The following PLSCR1 variants were observed in gnomAD, a reference collection of about 807,000 sequenced individuals.
PLSCR1 encodes the protein PL scramblase 1.
PLSCR1 carries 17 observed loss-of-function variants against 37.8 expected under a neutral mutation model. The ratio of observed to expected loss-of-function variants is 0.45; its 90% CI spans 0.31 to 0.68. The LOEUF (loss-of-function observed/expected upper bound fraction) is 0.68. Among genes scored for constraint, PLSCR1 ranks in the 30% least tolerant of loss-of-function variants. The probability of loss-of-function intolerance (pLI) is 0.06; values close to 1 mark genes in which losing one functional copy is unlikely to be tolerated. For missense variants in PLSCR1, 347 were observed against 380.9 expected (o/e 0.91, Z 0.74); for synonymous variants, 116 against 125.9 (o/e 0.92, Z 0.53).
intron 7 of PLSCR1, 89 bp downstream of exon 7, chr3:146,521,455 A>G (rs2044018365): frequency 8.1e-6 from 9 of 1,106,904 alleles, no homozygotes; most frequent in Non-Finnish European, 1.2e-5. Flanking sequence ...GGCACACAAC[A>G]CTTATTTAAT....
chr3:146,523,238 G>A (rs570518935), intron 5 of PLSCR1, among the ~76,000 whole-genome samples: 2 of 152,296 alleles, frequency 1.3e-5, no homozygotes, highest in Admixed American at 1.3e-4. Context: ...TTCATTATGT[G>A]AGACACTGGA....
At chr3:146,523,154 G>T (rs751821186) in intron 5 of PLSCR1, among the ~76,000 whole-genome samples, 19 of 152,196 alleles carry the variant, frequency 1.2e-4, no homozygotes, top group Non-Finnish European at 2.4e-4. Context: ...CTTTGTCTCT[G>T]TGTCTTTTCT....
chr3:146,542,642 G>A (rs1443499417), intron 1 of PLSCR1, among the ~76,000 whole-genome samples: 15 of 152,110 alleles, frequency 9.9e-5, no homozygotes, highest in Admixed American at 9.8e-4. Context: ...CTTCTTAAAA[G>A]AACATATGGA....
intron 5 of PLSCR1, among the ~76,000 whole-genome samples, chr3:146,522,722 G>C (rs1013558766): frequency 2.0e-5 from 3 of 152,124 alleles, no homozygotes; most frequent in African/African-American, 7.2e-5. Context: ...AGGAAGGAAC[G>C]CGTCTTTGCA....
chr3:146,544,222 C>T (rs2044374896), intron 1 of PLSCR1, among the ~76,000 whole-genome samples: 1 of 152,204 alleles, frequency 6.6e-6, no homozygotes, highest in South Asian at 2.1e-4. Flanking sequence ...GCTGGGCCGC[C>T]TGGGGCCCCT....
chr3:146,519,301 A>G (rs893332912), intron 7 of PLSCR1, among the ~76,000 whole-genome samples: 2 of 152,136 alleles, frequency 1.3e-5, no homozygotes, highest in African/African-American at 4.8e-5. Flanking sequence ...TTGAGAGGGC[A>G]GGAAAAAAAA....
intron 5 of PLSCR1, among the ~76,000 whole-genome samples, chr3:146,522,472 TA>T (rs926847700): frequency 1.3e-5 from 2 of 152,182 alleles, no homozygotes; most frequent in African/African-American, 2.4e-5. Context: ...TGTGCTTTGT[TA>T]AACAAATGCT....
At chr3:146,525,986 A>G (rs1173153968) in intron 4 of PLSCR1, among the ~76,000 whole-genome samples, 6 of 151,752 alleles carry the variant, frequency 4.0e-5, no homozygotes, top group African/African-American at 1.2e-4. Context: ...GATCGAGACC[A>G]TCCTGGCTGA....
chr3:146,517,413 G>A, intron 7 of PLSCR1: 1 of 197,258 alleles, frequency 5.1e-6, no homozygotes, highest in African/African-American at 2.3e-5. Flanking sequence ...TATTAATATA[G>A]ACATTAATAA....
At position 146,532,338 on chromosome 3, in the gene PLSCR1, G is replaced by A. The variant is rs140453663; in HGVS notation, c.94+1132C>T. ...TTTAGAGCAGATGTTCTCAACCCTGGCTTCACCTTAGAATCACTTGGGGTG... is the reference window on the plus strand; with the variant it reads ...TTTAGAGCAGATGTTCTCAACCCTGACTTCACCTTAGAATCACTTGGGGTG... On this transcript the variant is annotated intron_variant, in intron 3 of 8. Coordinates refer to ENST00000342435, the MANE Select transcript of PLSCR1 (RefSeq NM_021105.3). 5.3e-3 allele frequency among the ~76,000 whole-genome samples: 808 copies of A among 152,246 alleles called. 10 individuals carry two copies. Among genetic ancestry groups the A allele is most frequent in the African/African-American group, 0.018 (764 of 41,558 alleles).
chr3:146,517,126 G>C lies in PLSCR1; in HGVS notation c.780C>G (p.Ser260=), dbSNP rs1026325628. ...CTCTCAAAATTCCAGTCCAGTGCTT[G>C]GAAATTTTGCCAACCACACACTGTT... ...LDEQCVVGKI[S]KHWTGILREA... is the part of the protein sequence containing the mutation. The change falls in exon 8 of 9, where the codon TCC becomes TCG. Residue 260 remains serine (S), a synonymous_variant. Coordinates refer to ENST00000342435, the MANE Select transcript of PLSCR1 (RefSeq NM_021105.3). 1 of 1,591,288 alleles carries C rather than the reference G, an allele frequency of 6.3e-7. No homozygotes were observed. The highest frequency in any genetic ancestry group is 1.4e-5 in the African/African-American group (1 of 73,314).
chr3:146,542,841 T>C (rs1055539993), intron 1 of PLSCR1, among the ~76,000 whole-genome samples: 14 of 152,126 alleles, frequency 9.2e-5, no homozygotes, highest in African/African-American at 2.9e-4. Context: ...ATTGAAGGCA[T>C]AGAGCATGCA....
Position 146,533,511 on chromosome 3 carries a change from G to A in PLSCR1, c.53C>T (p.Pro18Leu). 6.2e-7 allele frequency: 1 copy of A among 1,608,068 alleles called. No individual in the cohort carries two copies. Among genetic ancestry groups the A allele is most frequent in the African/African-American group, 1.3e-5 (1 of 74,924 alleles). ...TGGATACTGAGGAGGATACCCAACTGGCAAGTTTGTTTCCGGGTGAGAAGC... is the reference window on the plus strand; with the variant it reads ...TGGATACTGAGGAGGATACCCAACTAGCAAGTTTGTTTCCGGGTGAGAAGC... Reference protein sequence around the residue: ...MNASHPETNLPVGYPPQYPPT... With the variant: ...MNASHPETNLLVGYPPQYPPT... Residue 18 changes from proline to leucine, a missense_variant, in exon 3 of 9, where the codon CCA becomes CTA. Pro to Leu is a moderately conservative substitution (Grantham distance 98). Transcript: ENST00000342435.
chr3:146,543,425 T>C (rs756199765), intron 1 of PLSCR1, among the ~76,000 whole-genome samples: 3 of 152,228 alleles, frequency 2.0e-5, no homozygotes, highest in Non-Finnish European at 2.9e-5. Context: ...CCTACTATTG[T>C]TGTAAACAGG....
At chr3:146,521,236 G>A (rs2044014941) in intron 7 of PLSCR1, among the ~76,000 whole-genome samples, 1 of 152,270 alleles carries the variant, frequency 6.6e-6, no homozygotes, top group South Asian at 2.1e-4. Flanking sequence ...CAAGGTTAAC[G>A]TTCTGTTTAA....
intron 1 of PLSCR1, among the ~76,000 whole-genome samples, chr3:146,537,807 G>T (rs2738921): frequency 6.6e-6 from 1 of 151,870 alleles, no homozygotes; most frequent in Non-Finnish European, 1.5e-5. Context: ...AATATTGACG[G>T]TCTAATGAAG....
chr3:146,537,174 A>T lies in PLSCR1; in HGVS notation c.-13-609T>A, dbSNP rs1235799750. Reference sequence around the variant, plus strand: ...TCTCAGGAGTTGTCACAGCCATAGCACCTTGACCACCCAAGTGAAACTTTG... The same window carrying T: ...TCTCAGGAGTTGTCACAGCCATAGCTCCTTGACCACCCAAGTGAAACTTTG... On this transcript the variant is annotated intron_variant, in intron 1 of 8. Transcript: ENST00000342435. 3.3e-5 allele frequency among the ~76,000 whole-genome samples: 5 copies of T among 151,524 alleles called. No homozygotes were observed. The East Asian group carries it at 9.7e-4, about 29-fold the overall frequency.
chr3:146,528,797 C>G lies in PLSCR1; in HGVS notation c.129G>C (p.Gln43His). ...PPGYSGYPGP[Q>H]VSYPPPPAGH... ...CGGCTGGTGGGGGTGGGTAGCTGAC[C>G]TGGGGCCCAGGGTAGCCACTATATC... The change falls in exon 4 of 9, where the codon CAG (glutamine) becomes CAC (histidine). Residue 43 changes from glutamine to histidine, a missense_variant. Gln to His is a conservative substitution (Grantham distance 24). Transcript: ENST00000342435. The G allele has an allele frequency of 1.2e-6, 2 of 1,613,820 alleles. No homozygotes were observed. The highest frequency in any genetic ancestry group is 1.7e-4 in the Middle Eastern group (1 of 6,060).
intron 1 of PLSCR1, among the ~76,000 whole-genome samples, chr3:146,540,169 TAA>T (rs2044320693): frequency 6.6e-6 from 1 of 152,230 alleles, no homozygotes; most frequent in Non-Finnish European, 1.5e-5. Context: ...AAAAATGTAA[TAA>T]AGTTATGTTG....
Sources: gnomAD v4.1 joint callset for allele counts (sites outside exome capture counted in the v4.1 genomes callset) on GRCh38, gnomAD v4.1.1 for gene constraint, MANE v1.5 for transcripts, NCBI Gene and HGNC (gene_info 2026-07-23, HGNC 2026-07-21) for gene names.